Variants in SORCS2 observed in about 807,000 individuals in gnomAD.
SORCS2 encodes VPS10 domain-containing receptor SorCS2.
SORCS2 carries 100 observed loss-of-function variants against 141.6 expected under a neutral mutation model. The observed-to-expected ratio is 0.71, with a 90% CI of 0.60 to 0.83. SORCS2 has a LOEUF of 0.83. Ranked by LOEUF, SORCS2 falls within the 40% of genes least tolerant of loss-of-function variation. SORCS2 has a pLI of 0.00. For missense variants in SORCS2, 1,646 were observed against 1,560.2 expected (o/e 1.05, Z -0.93); for synonymous variants, 789 against 676.9 (o/e 1.17, Z -2.57).
intron 2 of SORCS2, among the ~76,000 whole-genome samples, chr4:7,487,946 C>T (rs1731094134): frequency 1.3e-5 from 2 of 152,250 alleles, no homozygotes; most frequent in Middle Eastern, 3.4e-3. Flanking sequence ...ACGAAGGAAG[C>T]AGGAATCCGG....
chr4:7,632,882 G>A (rs6446611), intron 3 of SORCS2, among the ~76,000 whole-genome samples: 24,980 of 152,026 alleles, frequency 0.16, 2,253 homozygotes, highest in African/African-American at 0.23. Context: ...GCAGAGGAAG[G>A]AGTGGAATAA....
chr4:7,337,269 C>A (rs932833375), intron 1 of SORCS2, among the ~76,000 whole-genome samples: 1 of 152,100 alleles, frequency 6.6e-6, no homozygotes, highest in Non-Finnish European at 1.5e-5. Context: ...GGAGACCTGA[C>A]GGGGAGGGAT....
chr4:7,541,960 G>GC (rs1712708334), intron 3 of SORCS2, among the ~76,000 whole-genome samples: 1 of 152,168 alleles, frequency 6.6e-6, no homozygotes, highest in Non-Finnish European at 1.5e-5. Flanking sequence ...GGTGCTTCTG[G>GC]CCCCCCAGCC....
In SORCS2 at chr4:7,727,459, C is replaced by G. The variant is rs527906667; in HGVS notation, c.2869+556C>G. 2.1e-4 allele frequency among the ~76,000 whole-genome samples: 31 copies of G among 151,102 alleles called. No individual in the cohort carries two copies. The East Asian group carries it at 4.4e-3, about 21-fold the overall frequency. On this transcript the variant is annotated intron_variant, in intron 21 of 26. Transcript: ENST00000507866. Reference sequence around the variant, plus strand: ...CCCCCCTTGTCAAGGAGGCAGAGCTCATTGCCACCAACATCACAGCAATAA... The same window carrying G: ...CCCCCCTTGTCAAGGAGGCAGAGCTGATTGCCACCAACATCACAGCAATAA...
intron 3 of SORCS2, among the ~76,000 whole-genome samples, chr4:7,628,408 A>C (rs545700897): frequency 3.9e-5 from 6 of 151,996 alleles, no homozygotes; most frequent in Non-Finnish European, 8.8e-5. Flanking sequence ...AGTCCCAGCT[A>C]CTAGGGAGGC....
chr4:7,492,449 T>G (rs535423684), intron 2 of SORCS2, among the ~76,000 whole-genome samples: 11 of 152,348 alleles, frequency 7.2e-5, no homozygotes, highest in African/African-American at 2.6e-4. Flanking sequence ...GCGGTGTGGA[T>G]ACACCAGGGT....
At chr4:7,240,272 G>A (rs184805234) in intron 1 of SORCS2, among the ~76,000 whole-genome samples, 33 of 152,318 alleles carry the variant, frequency 2.2e-4, no homozygotes, top group Non-Finnish European at 1.3e-4. Flanking sequence ...CACCTCCTCC[G>A]GAAGAAGAGA....
chr4:7,338,820 C>T (rs1442113877), intron 1 of SORCS2, among the ~76,000 whole-genome samples: 2 of 152,254 alleles, frequency 1.3e-5, no homozygotes, highest in Admixed American at 6.5e-5. Flanking sequence ...TATAATTCCT[C>T]TGGCCCAGAG....
chr4:7,463,899 G>A (rs757819729), intron 2 of SORCS2, among the ~76,000 whole-genome samples: 21 of 152,312 alleles, frequency 1.4e-4, no homozygotes, highest in African/African-American at 4.3e-4. Context: ...GGGGAGGTGC[G>A]GAGGCTGGTG....
At chr4:7,528,255 A>T (rs1261708504) in intron 2 of SORCS2, among the ~76,000 whole-genome samples, 1 of 152,172 alleles carries the variant, frequency 6.6e-6, no homozygotes, top group Non-Finnish European at 1.5e-5. Context: ...AAGCATAAAA[A>T]TTTAAACAAA....
intron 3 of SORCS2, among the ~76,000 whole-genome samples, chr4:7,554,177 G>A (rs930610936): frequency 2.0e-5 from 3 of 152,128 alleles, no homozygotes; most frequent in African/African-American, 7.2e-5. Context: ...ATCATGGGGA[G>A]GACAGGACCA....
At chr4:7,629,072 G>A (rs181558308) in intron 3 of SORCS2, among the ~76,000 whole-genome samples, 25 of 152,064 alleles carry the variant, frequency 1.6e-4, no homozygotes, top group African/African-American at 2.7e-4. Flanking sequence ...CCCTTCCCTC[G>A]CTGTTTTGAA....
At chr4:7,285,026 A>ATG (rs1716113740) in intron 1 of SORCS2, among the ~76,000 whole-genome samples, 4 of 82,652 alleles carry the variant, frequency 4.8e-5, no homozygotes, top group Non-Finnish European at 1.1e-4. Context: ...CATCCCATAT[A>ATG]TATATATATA....
At chr4:7,598,828 G>A (rs1369942566) in intron 3 of SORCS2, among the ~76,000 whole-genome samples, 1 of 152,212 alleles carries the variant, frequency 6.6e-6, no homozygotes, top group African/African-American at 2.4e-5. Context: ...GACAGGGGCT[G>A]TGTTCTCCCC....
rs1470955947 is a variant in SORCS2 at position 7,663,278 on chromosome 4, ATAAG to A, written c.953-1073_953-1070del. ...AGTGAATAAGTGAGTGAGTGAATGA[ATAAG>A]TGAGTGAGTGAATGAGTGACTGAGT... On this transcript the variant is annotated intron_variant, in intron 6 of 26. Coordinates refer to ENST00000507866, the MANE Select transcript of SORCS2 (RefSeq NM_020777.3). The surrounding 1 kb of genome is among the most constrained non-coding windows in gnomAD (Gnocchi z 4.8). Among the ~76,000 whole-genome samples, 3 of 151,434 alleles carry A rather than the reference ATAAG, an allele frequency of 2.0e-5. No individual in the cohort carries two copies. The highest frequency in any genetic ancestry group is 2.0e-4 in the East Asian group (1 of 5,116).
At chr4:7,452,084 G>A (rs1402314740) in intron 2 of SORCS2, among the ~76,000 whole-genome samples, 1 of 151,584 alleles carries the variant, frequency 6.6e-6, no homozygotes, top group African/African-American at 2.4e-5. Flanking sequence ...TCCTCCTTGT[G>A]CCACACACCC....
intron 3 of SORCS2, among the ~76,000 whole-genome samples, chr4:7,551,551 G>A (rs1713703561): frequency 6.6e-6 from 1 of 152,218 alleles, no homozygotes; most frequent in Non-Finnish European, 1.5e-5. Flanking sequence ...GCCCTGGGCT[G>A]AGGCCACTGC....
chr4:7,260,422 A>T (rs1311019280), intron 1 of SORCS2, among the ~76,000 whole-genome samples: 1 of 152,176 alleles, frequency 6.6e-6, no homozygotes, highest in Non-Finnish European at 1.5e-5. Flanking sequence ...AATTGCTATG[A>T]TTGATCCATC....
intron 2 of SORCS2, among the ~76,000 whole-genome samples, chr4:7,478,664 C>T (rs1228367863): frequency 6.6e-6 from 1 of 152,196 alleles, no homozygotes; most frequent in Non-Finnish European, 1.5e-5. Context: ...ATCCCCTGAA[C>T]TTTGCACACG....
Sources: gnomAD v4.1 joint callset for allele counts (sites outside exome capture counted in the v4.1 genomes callset) on GRCh38, gnomAD v4.1.1 for gene constraint, Gnocchi (gnomAD v3.1) non-coding constraint, MANE v1.5 for transcripts, NCBI Gene and HGNC (gene_info 2026-07-23, HGNC 2026-07-21) for gene names.